GET3: variants seen among roughly 807,000 people sequenced by gnomAD.
GET3 encodes the protein ATPase GET3.
In GET3, 15 loss-of-function variants were observed where a neutral mutation model predicts 32.4. That is an observed-to-expected ratio of 0.46 (90% CI 0.31 to 0.71). GET3 has a LOEUF of 0.71. Among genes scored for constraint, GET3 ranks in the 30% least tolerant of loss-of-function variants. The probability of loss-of-function intolerance (pLI) is 0.05; values close to 1 mark genes in which losing one functional copy is unlikely to be tolerated. For synonymous variants in GET3, 198 were observed against 185.6 expected, an observed-to-expected ratio of 1.07 and a Z score of -0.54; for missense variants, 333 against 459.0, an observed-to-expected ratio of 0.73 and a Z score of 2.51.
chr19:12,738,235 T>C (rs2145684085), intron 1 of GET3, among the ~76,000 whole-genome samples: 1 of 152,248 alleles, frequency 6.6e-6, no homozygotes, highest in Admixed American at 6.5e-5. Flanking sequence ...CGCTGGGCCA[T>C]GCCACTGTGC....
At chr19:12,741,349 G>A (rs1045105074) in intron 2 of GET3, among the ~76,000 whole-genome samples, 5 of 152,058 alleles carry the variant, frequency 3.3e-5, no homozygotes, top group Admixed American at 1.3e-4. Flanking sequence ...CCAGTTATTC[G>A]GGAGGCTGAG....
At chr19:12,739,293 G>A (rs1040280875) in intron 2 of GET3, among the ~76,000 whole-genome samples, 2 of 151,982 alleles carry the variant, frequency 1.3e-5, no homozygotes, top group African/African-American at 4.8e-5. Context: ...TCAGCCTCCC[G>A]AGTAGCTGGC....
At chr19:12,739,995 A>G (rs2145685956) in intron 2 of GET3, among the ~76,000 whole-genome samples, 1 of 151,816 alleles carries the variant, frequency 6.6e-6, no homozygotes, top group South Asian at 2.1e-4. Context: ...CTCCTGCCTC[A>G]GCCTCCGGAG....
In GET3 at chr19:12,737,515, G is replaced by A. The variant is rs1967591609; in HGVS notation, c.10G>A (p.Gly4Arg). The A allele has an allele frequency of 6.4e-7, 1 of 1,557,898 alleles. No homozygotes were observed. Among genetic ancestry groups the A allele is most frequent in the South Asian group, 1.2e-5 (1 of 83,894 alleles). The part of the protein sequence containing the change: MAA[G>R]VAGWGVEAEE... ...GTGAGCCAGTTCCAAAATGGCGGCA[G>A]GGGTGGCCGGGTGGGGGGTTGAGGC... The change falls in exon 1 of 7, where the codon GGG (glycine) becomes AGG (arginine). Residue 4 changes from glycine to arginine, a missense_variant. By Grantham distance (125) the Gly-to-Arg change is moderately radical. Coordinates refer to ENST00000357332, the MANE Select transcript of GET3 (RefSeq NM_004317.4).
At chr19:12,743,195 TGGCC>T (rs778642695) in intron 2 of GET3, among the ~76,000 whole-genome samples, 195 of 152,208 alleles carry the variant, frequency 1.3e-3, no homozygotes, top group Middle Eastern at 3.4e-3. Flanking sequence ...AGGGAGGCAT[TGGCC>T]GGGCATGGTG....
At chr19:12,743,360 C>T (rs1159594974) in intron 2 of GET3, among the ~76,000 whole-genome samples, 3 of 151,950 alleles carry the variant, frequency 2.0e-5, no homozygotes, top group Non-Finnish European at 2.9e-5. Flanking sequence ...CCTGTAATCC[C>T]AGCTACTCAG....
rs1967760094 is a variant in GET3 at position 12,745,720 on chromosome 19, T to G, written c.570T>G (p.Leu190=). Reference sequence around the variant, plus strand: ...TCGTGGAGCGGGGCCTGGGCCGGCTTATGCAGATCAAGAACCAGATCAGCC... The same window carrying G: ...TCGTGGAGCGGGGCCTGGGCCGGCTGATGCAGATCAAGAACCAGATCAGCC... The part of the protein sequence containing the change: ...PTIVERGLGR[L]MQIKNQISPF... The change falls in exon 4 of 7, where the codon CTT becomes CTG. Residue 190 remains leucine, a synonymous_variant. Transcript: ENST00000357332. This position sits in a 1 kb window ranked among gnomAD's most constrained non-coding sequence, Gnocchi z 5.0. 6.2e-7 allele frequency: 1 copy of G among 1,612,240 alleles called. No individual in the cohort carries two copies. Among genetic ancestry groups the G allele is most frequent in the Admixed American group, 1.7e-5 (1 of 59,958 alleles).
intron 1 of GET3, among the ~76,000 whole-genome samples, chr19:12,738,265 C>T (rs1967608983): frequency 1.3e-5 from 2 of 152,160 alleles, no homozygotes; most frequent in Admixed American, 6.5e-5. Context: ...AAGAAGCAGG[C>T]ACTAGGCCAG....
Position 12,747,184 on chromosome 19 carries a change from A to G in GET3, c.610-13A>G. On this transcript the variant is annotated splice_polypyrimidine_tract_variant and intron_variant, in intron 4 of 6. Transcript: ENST00000357332. This position sits in a 1 kb window ranked among gnomAD's most constrained non-coding sequence, Gnocchi z 4.0. ...GCAGGTAAGCTATGAGCCCTCCCAC[A>G]TCCCCCCTGCAGATGTGCAACATGC... The G allele has an allele frequency of 5.7e-6, 9 of 1,573,124 alleles. No homozygotes were observed. Among genetic ancestry groups the G allele is most frequent in the Non-Finnish European group, 7.8e-6 (9 of 1,158,718 alleles).
At chr19:12,740,037 C>T (rs1342636043) in intron 2 of GET3, among the ~76,000 whole-genome samples, 2 of 151,834 alleles carry the variant, frequency 1.3e-5, no homozygotes, top group Admixed American at 1.3e-4. Context: ...ACCACCATGC[C>T]CGGCTAATTT....
chr19:12,747,334 G>GC lies in GET3; in HGVS notation c.717+33dup, dbSNP rs1967791551. On this transcript the variant is annotated intron_variant, in intron 5 of 6. Coordinates refer to ENST00000357332, the MANE Select transcript of GET3 (RefSeq NM_004317.4). The surrounding 1 kb of genome is among the most constrained non-coding windows in gnomAD (Gnocchi z 4.0). ...GTGGTGGTCTGGCTGGCGGTGAGAG[G>GC]CCCGGGGGCTGAGGACAGGGGCAGA... 3 of 1,609,976 alleles carry GC rather than the reference G, an allele frequency of 1.9e-6. No homozygotes were observed. Among genetic ancestry groups the GC allele is most frequent in the African/African-American group, 2.7e-5 (2 of 74,848 alleles).
chr19:12,737,702 GGATATACCACTGGGCGA>G, intron 1 of GET3, 36 bp downstream of exon 1: 1 of 1,582,754 alleles, frequency 6.3e-7, no homozygotes, highest in Non-Finnish European at 8.5e-7. Context: ...GAGGCGTGTA[GGATATACCACTGGGCGA>G]AGGGGAGGCC....
intron 2 of GET3, among the ~76,000 whole-genome samples, chr19:12,743,686 G>A (rs1212905348): frequency 1.4e-5 from 2 of 143,286 alleles, no homozygotes; most frequent in Non-Finnish European, 3.0e-5. Context: ...GCTACTCACT[G>A]CACTCCAGCC....
upstream of GET3, chr19:12,737,496 C>A: frequency 6.5e-7 from 1 of 1,530,806 alleles, no homozygotes; most frequent in Admixed American, 2.3e-5. Context: ...TCACGTGAGC[C>A]AGTTCCAAAA....
chr19:12,743,145 T>C (rs535362740), intron 2 of GET3, among the ~76,000 whole-genome samples: 71 of 152,220 alleles, frequency 4.7e-4, no homozygotes, highest in African/African-American at 1.7e-3. Flanking sequence ...ATGGGACCCA[T>C]GAAGTTACCA....
In GET3 at chr19:12,745,633, G is replaced by C. The variant is rs755651499; in HGVS notation, c.483G>C (p.Ser161=). The part of the protein sequence containing the change: ...VMRLVKGMNF[S]VVVFDTAPTG... ...GGCTGGTGAAGGGCATGAACTTCTC[G>C]GTGGTGGTATTTGACACGGCACCCA... The change falls in exon 4 of 7, where the codon TCG becomes TCC. Residue 161 remains serine (S), a synonymous_variant. Coordinates refer to ENST00000357332, the MANE Select transcript of GET3 (RefSeq NM_004317.4). The surrounding 1 kb of genome is among the most constrained non-coding windows in gnomAD (Gnocchi z 5.0). 5 of 1,612,690 alleles carry C rather than the reference G, an allele frequency of 3.1e-6. No individual in the cohort carries two copies. Among genetic ancestry groups the C allele is most frequent in the Non-Finnish European group, 4.2e-6 (5 of 1,179,984 alleles).
upstream of GET3, chr19:12,737,336 G>A: frequency 2.0e-6 from 2 of 1,012,008 alleles, no homozygotes; most frequent in Non-Finnish European, 2.7e-6. Context: ...GGTTGACAAA[G>A]TGAACCCTGG....
In GET3 at chr19:12,747,604, C is replaced by T. The variant is rs771777417; in HGVS notation, c.915+12C>T. On this transcript the variant is annotated intron_variant, in intron 6 of 6. Transcript: ENST00000357332. The surrounding 1 kb of genome is among the most constrained non-coding windows in gnomAD (Gnocchi z 4.0). ...AGTATCTGGACCAGGTGTGCCCACC[C>T]ACCCAGCACTGGCTCAGCAGAGGCA... The T allele has an allele frequency of 6.2e-7, 1 of 1,611,310 alleles. No homozygotes were observed. The highest frequency in any genetic ancestry group is 1.3e-5 in the African/African-American group (1 of 74,946).
chr19:12,738,438 C>T, intron 1 of GET3, 73 bp from the exon 2 acceptor site: 1 of 1,580,484 alleles, frequency 6.3e-7, no homozygotes, highest in South Asian at 1.1e-5. Context: ...AGGGAACCTA[C>T]CACTCCCCTT....
Sources: gnomAD v4.1 joint callset for allele counts (sites outside exome capture counted in the v4.1 genomes callset) on GRCh38, gnomAD v4.1.1 for gene constraint, Gnocchi (gnomAD v3.1) non-coding constraint, MANE v1.5 for transcripts, NCBI Gene and HGNC (gene_info 2026-07-23, HGNC 2026-07-21) for gene names.